Variants in PHTF2 observed in about 807,000 individuals in gnomAD.
PHTF2 encodes the protein protein PHTF2.
In PHTF2, 60 loss-of-function variants were observed where a neutral mutation model predicts 101.2. The ratio of observed to expected loss-of-function variants is 0.59; its 90% CI spans 0.48 to 0.73. The LOEUF is 0.73. PHTF2 is among the 30% of genes least tolerant of loss of function. PHTF2 has a pLI of 0.00. For missense variants in PHTF2, 747 were observed against 908.7 expected (o/e 0.82, Z 2.29); for synonymous variants, 311 against 307.3 (o/e 1.01, Z -0.13).
chr7:77,931,416 C>A (rs1804553129), intron 12 of PHTF2, among the ~76,000 whole-genome samples: 1 of 151,964 alleles, frequency 6.6e-6, no homozygotes. Context: ...ACAAATGACT[C>A]AATAGAAAAA....
intron 3 of PHTF2, among the ~76,000 whole-genome samples, chr7:77,872,641 A>T (rs1403731338): frequency 6.6e-6 from 1 of 152,118 alleles, no homozygotes; most frequent in Admixed American, 6.5e-5. Context: ...TGCACTTCCC[A>T]CTGTTAGACC....
chr7:77,864,888 T>A (rs116921252), intron 3 of PHTF2, among the ~76,000 whole-genome samples: 1,855 of 152,298 alleles, frequency 0.012, 15 homozygotes, highest in Middle Eastern at 0.031. Flanking sequence ...TAATTATCAT[T>A]ATGAACTTAT....
At chr7:77,857,259 G>T (rs1417776897) in intron 3 of PHTF2, among the ~76,000 whole-genome samples, 1 of 152,204 alleles carries the variant, frequency 6.6e-6, no homozygotes, top group East Asian at 1.9e-4. Flanking sequence ...ATGTGTTACT[G>T]TATTGGAGAA....
chr7:77,806,307 G>T (rs1270484530), intron 1 of PHTF2, among the ~76,000 whole-genome samples: 1 of 152,168 alleles, frequency 6.6e-6, no homozygotes, highest in East Asian at 1.9e-4. Flanking sequence ...TTCTCCTTGC[G>T]ATTCTTTAAA....
chr7:77,835,624 G>C (rs1795397578), intron 1 of PHTF2, among the ~76,000 whole-genome samples: 1 of 152,076 alleles, frequency 6.6e-6, no homozygotes, highest in Non-Finnish European at 1.5e-5. Flanking sequence ...GAACAATTGG[G>C]GTTAGGGATA....
intron 16 of PHTF2, 117 bp from the exon 16 acceptor site, chr7:77,949,561 A>G (rs1806360330): frequency 1.6e-6 from 1 of 606,608 alleles, no homozygotes. Context: ...TTCATAATTA[A>G]TGTAGAATGT....
chr7:77,865,374 C>T (rs1368804899), intron 3 of PHTF2, among the ~76,000 whole-genome samples: 1 of 152,002 alleles, frequency 6.6e-6, no homozygotes, highest in African/African-American at 2.4e-5. Context: ...TACAGGCATG[C>T]GTCACCATGC....
intron 1 of PHTF2, among the ~76,000 whole-genome samples, chr7:77,836,844 G>A (rs907542037): frequency 7.9e-5 from 12 of 151,980 alleles, no homozygotes; most frequent in South Asian, 2.1e-4. Flanking sequence ...GAAGGATAGC[G>A]TTAGGAGAAA....
chr7:77,862,165 A>G (rs1159580642), intron 3 of PHTF2, among the ~76,000 whole-genome samples: 1 of 152,146 alleles, frequency 6.6e-6, no homozygotes, highest in Non-Finnish European at 1.5e-5. Flanking sequence ...AAGGGGATCC[A>G]TCTATAGTTC....
chr7:77,908,033 A>G (rs1190319122), intron 7 of PHTF2: 1 of 152,078 alleles, frequency 6.6e-6, no homozygotes, highest in Non-Finnish European at 1.5e-5. Context: ...TTTGTGATCT[A>G]GGAGAAAGGT....
intron 7 of PHTF2, among the ~76,000 whole-genome samples, chr7:77,902,432 G>A (rs1375790521): frequency 1.3e-5 from 2 of 152,106 alleles, no homozygotes; most frequent in Non-Finnish European, 2.9e-5. Context: ...GCTTATAGAC[G>A]TGGGACCTGA....
intron 1 of PHTF2, among the ~76,000 whole-genome samples, chr7:77,799,452 G>T (rs193277911): frequency 6.6e-6 from 1 of 152,182 alleles, no homozygotes; most frequent in Non-Finnish European, 1.5e-5. Flanking sequence ...GGCGGCTCGC[G>T]CGCTGGAGGA....
chr7:77,940,899 C>A (rs1482505881), intron 15 of PHTF2, among the ~76,000 whole-genome samples: 2 of 152,110 alleles, frequency 1.3e-5, no homozygotes, highest in African/African-American at 4.8e-5. Context: ...TGACCTATTA[C>A]TATTTTAAAA....
At chr7:77,936,031 TAG>T (rs2150961999) in intron 12 of PHTF2, among the ~76,000 whole-genome samples, 1 of 152,334 alleles carries the variant, frequency 6.6e-6, no homozygotes, top group East Asian at 1.9e-4. Flanking sequence ...ACTAGTATCT[TAG>T]CACTCTTCAG....
At chr7:77,829,499 T>C (rs1399686800) in intron 1 of PHTF2, among the ~76,000 whole-genome samples, 1 of 152,204 alleles carries the variant, frequency 6.6e-6, no homozygotes. Flanking sequence ...CCATGAAATA[T>C]TATCCTCCTT....
chr7:77,811,197 T>G (rs1434574621), intron 1 of PHTF2, among the ~76,000 whole-genome samples: 1 of 152,234 alleles, frequency 6.6e-6, no homozygotes, highest in African/African-American at 2.4e-5. Flanking sequence ...CCACTGCACC[T>G]GGCCCTGGGT....
intron 11 of PHTF2, chr7:77,924,277 T>G (rs867648358): frequency 7.8e-5 from 26 of 331,796 alleles, no homozygotes; most frequent in Middle Eastern, 2.9e-3. Flanking sequence ...GTTTTTTCTT[T>G]AAGAGTGAGG....
At chr7:77,916,690 C>T (rs956588856) in intron 9 of PHTF2, among the ~76,000 whole-genome samples, 2 of 151,952 alleles carry the variant, frequency 1.3e-5, no homozygotes, top group African/African-American at 4.8e-5. Flanking sequence ...GCTCAAGTCT[C>T]GTGTATAAAT....
At chr7:77,809,555 C>T (rs1437532420) in intron 1 of PHTF2, among the ~76,000 whole-genome samples, 1 of 151,962 alleles carries the variant, frequency 6.6e-6, no homozygotes, top group African/African-American at 2.4e-5. Flanking sequence ...GACAACAAAA[C>T]TTTGTGTGTG....
Sources: allele counts gnomAD v4.1 joint callset (sites outside exome capture counted in the v4.1 genomes callset), GRCh38; gene constraint gnomAD v4.1.1; transcripts MANE v1.5; gene names NCBI Gene and HGNC (gene_info 2026-07-23, HGNC 2026-07-21).